BYSL: variants seen among roughly 807,000 people sequenced by gnomAD.
BYSL encodes the protein bystin like.
A neutral mutation model predicts 45.4 loss-of-function variants in BYSL; 21 were observed. The observed-to-expected ratio is 0.46, with a 90% CI of 0.33 to 0.67. The LOEUF (loss-of-function observed/expected upper bound fraction) is 0.67. Ranked by LOEUF, BYSL falls within the 30% of genes least tolerant of loss-of-function variation. The probability of loss-of-function intolerance (pLI) is 0.02; values close to 1 mark genes in which losing one functional copy is unlikely to be tolerated. For missense variants in BYSL, 522 were observed against 578.5 expected (o/e 0.90, Z 1.00); for synonymous variants, 215 against 231.3 (o/e 0.93, Z 0.64).
chr6:41,921,111 T>C, upstream of BYSL: 1 of 1,534,472 alleles, frequency 6.5e-7, no homozygotes. Flanking sequence ...CAACACAACC[T>C]TCTGTCTCAG....
chr6:41,909,182 A>T, the BYSL span: 1 of 1,515,806 alleles, frequency 6.6e-7, no homozygotes, highest in Non-Finnish European at 8.8e-7. Flanking sequence ...TCAAAAAAAA[A>T]AAAAGAGAAG....
upstream of BYSL, among the ~76,000 whole-genome samples, chr6:41,919,054 G>A (rs1248490373): frequency 2.0e-5 from 3 of 150,158 alleles, no homozygotes; most frequent in African/African-American, 4.9e-5. Context: ...GCATGAACCC[G>A]GGAGGCGGAG....
intron 1 of BYSL, among the ~76,000 whole-genome samples, chr6:41,925,315 CA>C (rs1775547329): frequency 6.6e-6 from 1 of 152,080 alleles, no homozygotes; most frequent in South Asian, 2.1e-4. Flanking sequence ...TCCAGATGCC[CA>C]GACATGTAGC....
At chr6:41,919,128 C>CAAAA (rs35512146), upstream of BYSL, among the ~76,000 whole-genome samples, 19 of 44,856 alleles carry the variant, frequency 4.2e-4, no homozygotes, top group African/African-American at 9.4e-4. Flanking sequence ...GACTCTGCCT[C>CAAAA]AAAAAAAAAA....
the BYSL span, among the ~76,000 whole-genome samples, chr6:41,915,514 G>A: frequency 6.9e-4 from 105 of 151,920 alleles, 3 homozygotes; most frequent in South Asian, 0.014. Context: ...CACGCTGGGC[G>A]CGGTGGCTCA....
chr6:41,929,126 T>G (rs969050479), intron 2 of BYSL, among the ~76,000 whole-genome samples: 1 of 152,054 alleles, frequency 6.6e-6, no homozygotes, highest in Non-Finnish European at 1.5e-5. Context: ...GGTCTCAAAC[T>G]CCTGACCTCA....
chr6:41,917,849 G>T (rs537411787), upstream of BYSL: 11 of 464,960 alleles, frequency 2.4e-5, no homozygotes, highest in Admixed American at 4.7e-5. Context: ...CAGGTGGCTG[G>T]GACTAGTGTA....
chr6:41,917,807 C>G (rs1410336521), upstream of BYSL: 1 of 471,358 alleles, frequency 2.1e-6, no homozygotes, highest in East Asian at 6.9e-5. Flanking sequence ...ACTCTGTGAA[C>G]TTGAGCTGTT....
chr6:41,918,085 G>C (rs1775361592), upstream of BYSL, among the ~76,000 whole-genome samples: 1 of 152,160 alleles, frequency 6.6e-6, no homozygotes, highest in South Asian at 2.1e-4. Flanking sequence ...TTCCACTTTA[G>C]GAGTGGTAGG....
chr6:41,925,587 T>C (rs1775552148), intron 1 of BYSL, among the ~76,000 whole-genome samples: 1 of 152,060 alleles, frequency 6.6e-6, no homozygotes, highest in African/African-American at 2.4e-5. Flanking sequence ...ATGGTCTCGG[T>C]CTCCTGACCT....
At chr6:41,923,497 A>G (rs1254980893) in intron 1 of BYSL, among the ~76,000 whole-genome samples, 2 of 152,088 alleles carry the variant, frequency 1.3e-5, no homozygotes, top group Non-Finnish European at 2.9e-5. Context: ...GGGTTTCACC[A>G]TGTTGGCCAG....
At chr6:41,909,326 G>A in the BYSL span, 2 of 1,614,062 alleles carry the variant, frequency 1.2e-6, no homozygotes, top group Non-Finnish European at 1.7e-6. Flanking sequence ...CCTTCACCAG[G>A]AAGTCACAGT....
chr6:41,920,923 G>A (rs982629895), upstream of BYSL: 1 of 1,544,760 alleles, frequency 6.5e-7, no homozygotes, highest in African/African-American at 1.4e-5. Context: ...AGCTCCCAGA[G>A]GACGGCGGAC....
At chr6:41,921,009 T>C, upstream of BYSL, 1 of 1,613,060 alleles carries the variant, frequency 6.2e-7, no homozygotes, top group East Asian at 2.2e-5. Context: ...TCCTACCAAG[T>C]CACTCCCATG....
upstream of BYSL, among the ~76,000 whole-genome samples, chr6:41,920,089 C>T (rs1775420942): frequency 6.6e-6 from 1 of 152,212 alleles, no homozygotes; most frequent in African/African-American, 2.4e-5. Flanking sequence ...ACAACTAACG[C>T]CTCCACGAGC....
At chr6:41,923,637 G>A (rs928483373) in intron 1 of BYSL, among the ~76,000 whole-genome samples, 1 of 151,972 alleles carries the variant, frequency 6.6e-6, no homozygotes, top group African/African-American at 2.4e-5. Flanking sequence ...TCTCACAGTG[G>A]TGCCCAGTTT....
chr6:41,930,782 G>A lies in BYSL; in HGVS notation c.704+14G>A. 2 of 1,608,130 alleles carry A rather than the reference G, an allele frequency of 1.2e-6. No individual in the cohort carries two copies. Among genetic ancestry groups the A allele is most frequent in the Non-Finnish European group, 1.7e-6 (2 of 1,178,022 alleles). ...CCAGGCCACCAGGTAGAGTAGCTGG[G>A]GGTTCGGGGGCCTTGGGTTTATAGG... On this transcript the variant is annotated intron_variant, in intron 4 of 6. Coordinates refer to ENST00000230340, the MANE Select transcript of BYSL (RefSeq NM_004053.4).
upstream of BYSL, chr6:41,921,390 G>A (rs1582068441): frequency 1.5e-5 from 13 of 856,222 alleles, no homozygotes; most frequent in Non-Finnish European, 2.3e-5. Context: ...TCCGGAACCC[G>A]GGAGCTCTTT....
At chr6:41,921,015 C>T, upstream of BYSL, 2 of 1,613,254 alleles carry the variant, frequency 1.2e-6, no homozygotes, top group Non-Finnish European at 1.7e-6. Flanking sequence ...CAAGTCACTC[C>T]CATGGCGTCG....
Sources: allele counts gnomAD v4.1 joint callset (sites outside exome capture counted in the v4.1 genomes callset), GRCh38; gene constraint gnomAD v4.1.1; transcripts MANE v1.5; gene names NCBI Gene and HGNC (gene_info 2026-07-23, HGNC 2026-07-21).